The following NDUFAF2 variants were observed in gnomAD, a reference collection of about 807,000 sequenced individuals.
NDUFAF2 encodes NADH:ubiquinone oxidoreductase complex assembly factor 2.
In NDUFAF2, 13 loss-of-function variants were observed where a neutral mutation model predicts 22.8. The observed-to-expected ratio is 0.57, with a 90% CI of 0.37 to 0.91. The LOEUF is 0.91. Ranked by LOEUF, NDUFAF2 falls within the 40% of genes least tolerant of loss-of-function variation. The pLI, the probability that NDUFAF2 is intolerant of heterozygous loss-of-function variation, is 0.01. For synonymous variants in NDUFAF2, 53 were observed against 64.2 expected (o/e 0.83, Z 0.84); for missense variants, 162 against 195.2 (o/e 0.83, Z 1.01).
At chr5:61,119,653 A>G (rs1008873287) in intron 3 of NDUFAF2, among the ~76,000 whole-genome samples, 7 of 152,286 alleles carry the variant, frequency 4.6e-5, no homozygotes, top group African/African-American at 1.7e-4. Flanking sequence ...GTTAACCACC[A>G]TCCACAATGG....
intron 1 of NDUFAF2, among the ~76,000 whole-genome samples, chr5:61,009,312 A>G (rs906133564): frequency 1.3e-5 from 2 of 152,058 alleles, no homozygotes; most frequent in African/African-American, 2.4e-5. Context: ...TTAATTTGCT[A>G]TTGTGCACTG....
chr5:61,148,809 A>G (rs1436717500), intron 3 of NDUFAF2, among the ~76,000 whole-genome samples: 1 of 152,230 alleles, frequency 6.6e-6, no homozygotes, highest in Non-Finnish European at 1.5e-5. Flanking sequence ...TTATACTTAC[A>G]TAGTCACATA....
At chr5:61,056,279 T>C (rs994713120) in intron 1 of NDUFAF2, among the ~76,000 whole-genome samples, 1 of 152,214 alleles carries the variant, frequency 6.6e-6, no homozygotes, top group East Asian at 1.9e-4. Context: ...CATCTTAAAG[T>C]AATACCATGT....
At chr5:61,052,563 G>T (rs1289027697) in intron 1 of NDUFAF2, among the ~76,000 whole-genome samples, 4 of 152,142 alleles carry the variant, frequency 2.6e-5, no homozygotes, top group African/African-American at 9.7e-5. Flanking sequence ...GCCCGCCTCG[G>T]CCTCCCAAAG....
At position 61,048,993 on chromosome 5, in the gene NDUFAF2, T is replaced by C. The variant is rs116232662; in HGVS notation, c.128-24132T>C. On this transcript the variant is annotated intron_variant, in intron 1 of 3. Transcript: ENST00000296597. ...GCAAGGTAAACATGCATCTTCATCA[T>C]CTGTTGGGGCCAAGGTATATTTTAA... Among the ~76,000 whole-genome samples the C allele has an allele frequency of 7.2e-3, 1,101 of 152,254 alleles. 10 individuals carry two copies. The highest frequency in any genetic ancestry group is 0.025 in the African/African-American group (1,059 of 41,564).
At chr5:61,129,962 T>C (rs1753088628) in intron 3 of NDUFAF2, among the ~76,000 whole-genome samples, 1 of 152,100 alleles carries the variant, frequency 6.6e-6, no homozygotes, top group African/African-American at 2.4e-5. Context: ...AGAGCTGTTC[T>C]AATTCCTGCC....
chr5:61,042,895 T>C (rs1477822043), intron 1 of NDUFAF2, among the ~76,000 whole-genome samples: 1 of 152,194 alleles, frequency 6.6e-6, no homozygotes, highest in Admixed American at 6.5e-5. Flanking sequence ...ATGACACTTC[T>C]GGTGAAGGCA....
At chr5:61,043,228 A>G (rs1751905080) in intron 1 of NDUFAF2, among the ~76,000 whole-genome samples, 2 of 152,170 alleles carry the variant, frequency 1.3e-5, no homozygotes, top group African/African-American at 2.4e-5. Context: ...CTTGGGGGAA[A>G]AAAACAAAAA....
At chr5:61,044,248 A>G (rs80236780) in intron 1 of NDUFAF2, among the ~76,000 whole-genome samples, 2,013 of 152,014 alleles carry the variant, frequency 0.013, 50 homozygotes, top group African/African-American at 0.046. Flanking sequence ...TTTGGATATT[A>G]ATCTCTTATG....
intron 3 of NDUFAF2, among the ~76,000 whole-genome samples, chr5:61,109,155 A>G (rs909861108): frequency 6.6e-6 from 1 of 152,004 alleles, no homozygotes; most frequent in African/African-American, 2.4e-5. Flanking sequence ...TATAGGTTTC[A>G]TTGTACAGAT....
At chr5:61,057,578 G>A (rs1752115140) in intron 1 of NDUFAF2, among the ~76,000 whole-genome samples, 1 of 152,166 alleles carries the variant, frequency 6.6e-6, no homozygotes, top group Admixed American at 6.5e-5. Context: ...CTAGGAGTGT[G>A]AGGAGGTAAC....
intron 1 of NDUFAF2, among the ~76,000 whole-genome samples, chr5:60,968,291 G>A (rs185293052): frequency 5.4e-4 from 82 of 151,554 alleles, no homozygotes; most frequent in Admixed American, 2.1e-3. Flanking sequence ...CAATTTCTTA[G>A]TTTCACTGAT....
At chr5:61,034,662 A>G (rs1751773397) in intron 1 of NDUFAF2, among the ~76,000 whole-genome samples, 1 of 152,214 alleles carries the variant, frequency 6.6e-6, no homozygotes, top group Non-Finnish European at 1.5e-5. Flanking sequence ...TATTTTTGAT[A>G]CATTATATAT....
intron 1 of NDUFAF2, among the ~76,000 whole-genome samples, chr5:60,977,332 G>C (rs544636503): frequency 6.6e-6 from 1 of 151,994 alleles, no homozygotes. Context: ...TGGAGGCTGG[G>C]GTGTTGGGAT....
intron 1 of NDUFAF2, among the ~76,000 whole-genome samples, chr5:61,068,561 G>A (rs1411856868): frequency 1.3e-5 from 2 of 151,926 alleles, no homozygotes; most frequent in Non-Finnish European, 2.9e-5. Flanking sequence ...AGTCTGAAAG[G>A]GAACAATAAC....
At chr5:61,061,945 A>G (rs928926396) in intron 1 of NDUFAF2, among the ~76,000 whole-genome samples, 1 of 152,188 alleles carries the variant, frequency 6.6e-6, no homozygotes, top group African/African-American at 2.4e-5. Flanking sequence ...GTTATTTCCA[A>G]CATTGGTCAC....
chr5:60,983,227 G>A (rs1213480400), intron 1 of NDUFAF2, among the ~76,000 whole-genome samples: 2 of 142,486 alleles, frequency 1.4e-5, no homozygotes, highest in African/African-American at 5.3e-5. Flanking sequence ...CATATCCTTT[G>A]CCCACTTGTT....
At chr5:61,114,000 G>C (rs561299332) in intron 3 of NDUFAF2, among the ~76,000 whole-genome samples, 4 of 151,950 alleles carry the variant, frequency 2.6e-5, no homozygotes, top group Non-Finnish European at 5.9e-5. Context: ...ATGTCTTGAG[G>C]TAATCTTATA....
chr5:60,985,394 T>C (rs1400622239), intron 1 of NDUFAF2, among the ~76,000 whole-genome samples: 5 of 152,200 alleles, frequency 3.3e-5, no homozygotes, highest in Non-Finnish European at 7.3e-5. Flanking sequence ...CTCTATCTCC[T>C]TCAGTTCTGC....
Sources: gnomAD v4.1 joint callset for allele counts (sites outside exome capture counted in the v4.1 genomes callset) on GRCh38, gnomAD v4.1.1 for gene constraint, MANE v1.5 for transcripts, NCBI Gene and HGNC (gene_info 2026-07-23, HGNC 2026-07-21) for gene names.